Variants in MTMR10 observed in about 807,000 individuals in gnomAD.
The protein encoded by MTMR10 is myotubularin-related protein 10.
A neutral mutation model predicts 88.1 loss-of-function variants in MTMR10; 56 were observed. The observed-to-expected ratio is 0.64, with a 90% CI of 0.51 to 0.79. The LOEUF (loss-of-function observed/expected upper bound fraction) is 0.79, where lower values mean the gene tolerates loss of function less well. MTMR10 is among the 30% of genes least tolerant of loss of function. MTMR10 has a pLI of 0.00. For missense variants in MTMR10, 883 were observed against 924.7 expected (o/e 0.95, Z 0.58); for synonymous variants, 380 against 340.9 (o/e 1.11, Z -1.26).
the MTMR10 span, chr15:30,930,635 C>T: frequency 6.2e-7 from 1 of 1,612,904 alleles, no homozygotes; most frequent in Non-Finnish European, 8.5e-7. Flanking sequence ...GCCTCCCCGA[C>T]CTGGTGGTGT....
intron 2 of MTMR10, among the ~76,000 whole-genome samples, chr15:30,979,334 G>A (rs562055307): frequency 2.6e-5 from 4 of 152,000 alleles, no homozygotes; most frequent in Admixed American, 1.3e-4. Context: ...TGGCTGAGGC[G>A]GGTGGATCAC....
chr15:30,921,386 G>C, the MTMR10 span, among the ~76,000 whole-genome samples: 1 of 152,164 alleles, frequency 6.6e-6, no homozygotes, highest in Admixed American at 6.5e-5. Context: ...ATTGTCTGGA[G>C]ACAATTTATA....
downstream of MTMR10, among the ~76,000 whole-genome samples, chr15:30,936,604 CAACTT>C (rs1175984518): frequency 6.6e-6 from 1 of 152,228 alleles, no homozygotes; most frequent in Non-Finnish European, 1.5e-5. Flanking sequence ...AGACGCTTCT[CAACTT>C]ATGATGGCCT....
intron 6 of MTMR10, chr15:30,966,159 A>T: frequency 2.8e-6 from 1 of 356,248 alleles, no homozygotes; most frequent in Non-Finnish European, 5.7e-6. Context: ...GATGTAATAT[A>T]AAAAAGCATC....
At chr15:30,975,854 G>A (rs909660322) in intron 3 of MTMR10, among the ~76,000 whole-genome samples, 2 of 152,060 alleles carry the variant, frequency 1.3e-5, no homozygotes, top group African/African-American at 2.4e-5. Context: ...TTACTATAAA[G>A]AAAGATCTAG....
At chr15:30,976,771 T>TA (rs1039782007) in intron 3 of MTMR10, 48 bp downstream of exon 3, 14 of 1,576,472 alleles carry the variant, frequency 8.9e-6, no homozygotes, top group African/African-American at 4.1e-5. Flanking sequence ...ATGTACCACT[T>TA]AGAGTTGAAA....
intron 7 of MTMR10, among the ~76,000 whole-genome samples, chr15:30,960,265 CAAT>C (rs560578135): frequency 1.6e-5 from 1 of 62,540 alleles, no homozygotes; most frequent in South Asian, 7.7e-4. Flanking sequence ...GTCAGGATTA[CAAT>C]GAGAGAGACA....
the MTMR10 span, among the ~76,000 whole-genome samples, chr15:30,931,794 G>C: frequency 1.3e-5 from 2 of 152,068 alleles, no homozygotes; most frequent in African/African-American, 2.4e-5. Flanking sequence ...TGTATTTCTT[G>C]ATTATTGTAG....
At chr15:30,948,968 G>C (rs999338953) in intron 12 of MTMR10, 4 of 153,986 alleles carry the variant, frequency 2.6e-5, no homozygotes, top group African/African-American at 9.7e-5. Context: ...AGTCAGCCAG[G>C]GAAATCAGAA....
Position 30,972,538 on chromosome 15 carries a change from C to T in MTMR10, c.474+1776G>A, listed in dbSNP as rs1407008863. On this transcript the variant is annotated intron_variant, in intron 5 of 15. Coordinates refer to ENST00000435680, the MANE Select transcript of MTMR10 (RefSeq NM_017762.3). ...GTTTTGTGCAGACGGTTTAGTAAGG[C>T]CCTCTTCATGAACCAGCAGCACAAC... is the stretch of plus-strand genomic sequence containing the variant. Among the ~76,000 whole-genome samples, 6 of 152,080 alleles carry T rather than the reference C, an allele frequency of 3.9e-5. No individual in the cohort carries two copies. In the East Asian group the frequency reaches 9.6e-4, roughly 24 times the overall value.
intron 2 of MTMR10, among the ~76,000 whole-genome samples, chr15:30,977,957 T>C (rs998972688): frequency 2.0e-5 from 3 of 152,192 alleles, no homozygotes; most frequent in African/African-American, 4.8e-5. Context: ...TGCCAACAGC[T>C]TGAGTTAACT....
intron 5 of MTMR10, among the ~76,000 whole-genome samples, chr15:30,971,068 C>CT (rs1472314187): frequency 6.6e-6 from 1 of 152,048 alleles, no homozygotes; most frequent in Non-Finnish European, 1.5e-5. Context: ...GTGGAACACT[C>CT]CGAGAAGAGA....
chr15:30,925,065 A>G, the MTMR10 span: 1 of 1,525,318 alleles, frequency 6.6e-7, no homozygotes, highest in South Asian at 1.2e-5. Context: ...TGTCAAACTA[A>G]ATGCATGGAA....
intron 2 of MTMR10, among the ~76,000 whole-genome samples, chr15:30,990,134 G>C (rs375192032): frequency 5.9e-5 from 9 of 151,922 alleles, no homozygotes; most frequent in African/African-American, 2.2e-4. Context: ...CCAGAGGTAG[G>C]GGACAAAAAA....
At chr15:30,957,585 T>A (rs1426998253) in intron 9 of MTMR10, among the ~76,000 whole-genome samples, 1 of 151,950 alleles carries the variant, frequency 6.6e-6, no homozygotes, top group Non-Finnish European at 1.5e-5. Flanking sequence ...CAGCTGGATG[T>A]GGTGGTGGGT....
At chr15:30,950,697 C>G (rs2063232250) in intron 12 of MTMR10, among the ~76,000 whole-genome samples, 1 of 151,888 alleles carries the variant, frequency 6.6e-6, no homozygotes, top group Non-Finnish European at 1.5e-5. Flanking sequence ...CTTCTGCAAG[C>G]TTAAGCAACA....
chr15:30,962,432 C>T (rs1455766437), intron 6 of MTMR10, among the ~76,000 whole-genome samples: 2 of 152,202 alleles, frequency 1.3e-5, no homozygotes, highest in Non-Finnish European at 2.9e-5. Context: ...CCACAAGACA[C>T]ACTTCCCTAA....
chr15:30,941,892 G>A lies in MTMR10; in HGVS notation c.1912C>T (p.Pro638Ser). 1 of 1,614,014 alleles carries A rather than the reference G, an allele frequency of 6.2e-7. No individual in the cohort carries two copies. Among genetic ancestry groups the A allele is most frequent in the Non-Finnish European group, 8.5e-7 (1 of 1,179,892 alleles). The change falls in exon 16 of 16, where the codon CCC (proline) becomes TCC (serine). Residue 638 changes from proline to serine, a missense_variant. Physicochemically the swap from Pro to Ser is moderately conservative, Grantham distance 74 (BLOSUM62 -1). This residue lies in a region of MTMR10 where 343 missense variants were observed against 323.2 expected (regional missense o/e 1.06). Transcript: ENST00000435680. ...AGAATAACACCGTGCAGGTTGGCGG[G>A]TTTGGAAAACCATTCTCTAAAATAC... The part of the protein sequence containing the change: ...EQYFREWFSK[P>S]ANLHGVILPR...
the MTMR10 span, among the ~76,000 whole-genome samples, chr15:30,931,791 C>T: frequency 6.6e-6 from 1 of 151,966 alleles, no homozygotes; most frequent in South Asian, 2.1e-4. Flanking sequence ...GTCTGTATTT[C>T]TTGATTATTG....
Sources: allele counts gnomAD v4.1 joint callset (sites outside exome capture counted in the v4.1 genomes callset), GRCh38; gene constraint gnomAD v4.1.1; regional missense constraint gnomAD v4.1.1; transcripts MANE v1.5; gene names NCBI Gene and HGNC (gene_info 2026-07-23, HGNC 2026-07-21).